ERCC6L2: variants seen among roughly 807,000 people sequenced by gnomAD.
ERCC6L2 encodes DNA excision repair protein ERCC-6-like 2.
ERCC6L2 carries 77 observed loss-of-function variants against 132.0 expected under a neutral mutation model. The observed-to-expected ratio is 0.58, with a 90% CI of 0.49 to 0.71. The LOEUF (loss-of-function observed/expected upper bound fraction) is 0.71. Among genes scored for constraint, ERCC6L2 ranks in the 30% least tolerant of loss-of-function variants. ERCC6L2 has a pLI of 0.00. For synonymous variants in ERCC6L2, 583 were observed against 632.4 expected (o/e 0.92, Z 1.17); for missense variants, 1,542 against 1,837.6 (o/e 0.84, Z 2.94).
intron 2 of ERCC6L2, among the ~76,000 whole-genome samples, chr9:95,893,048 C>G (rs1828253253): frequency 6.6e-6 from 1 of 151,962 alleles, no homozygotes; most frequent in South Asian, 2.1e-4. Flanking sequence ...GACTTTTTAT[C>G]TATACTTCTT....
chr9:95,893,073 A>G (rs1199192545), intron 2 of ERCC6L2, among the ~76,000 whole-genome samples: 1 of 151,846 alleles, frequency 6.6e-6, no homozygotes, highest in African/African-American at 2.4e-5. Context: ...TTTTATTTTT[A>G]GTGGTTGCTC....
intron 19 of ERCC6L2, among the ~76,000 whole-genome samples, chr9:96,037,068 A>AT (rs1436126214): frequency 6.6e-6 from 1 of 151,532 alleles, no homozygotes; most frequent in Non-Finnish European, 1.5e-5. Flanking sequence ...GCCCGGCCCC[A>AT]TTTTTTTTAA....
At chr9:96,036,867 C>T (rs984905784) in intron 19 of ERCC6L2, among the ~76,000 whole-genome samples, 2 of 148,270 alleles carry the variant, frequency 1.3e-5, no homozygotes, top group African/African-American at 2.5e-5. Flanking sequence ...CCCGGGTTCA[C>T]GCCATTCTCC....
chr9:95,884,304 G>C (rs770956955), intron 2 of ERCC6L2, among the ~76,000 whole-genome samples: 5 of 152,088 alleles, frequency 3.3e-5, no homozygotes, highest in Non-Finnish European at 7.4e-5. Context: ...TAGGTGGTTT[G>C]AAAGACCCAT....
In ERCC6L2 at chr9:95,913,013, A is replaced by T. The variant is rs80232558; in HGVS notation, c.789-2655A>T. On this transcript the variant is annotated intron_variant, in intron 4 of 18. Transcript: ENST00000653738. The stretch of plus-strand genomic sequence containing the variant: ...GGTTGTTTCACTGTCAGTGATGCCA[A>T]GTTTGTCCCACAGGTTAAGAAGGTT... Among the ~76,000 whole-genome samples, 21 of 152,270 alleles carry T rather than the reference A, an allele frequency of 1.4e-4. No homozygotes were observed. The East Asian group carries it at 3.9e-3, about 28-fold the overall frequency.
At chr9:95,886,718 T>C (rs1827888776) in intron 2 of ERCC6L2, among the ~76,000 whole-genome samples, 1 of 152,194 alleles carries the variant, frequency 6.6e-6, no homozygotes, top group African/African-American at 2.4e-5. Flanking sequence ...GAGTGTCAAC[T>C]TGATTGGATT....
rs1322633618 is a variant in ERCC6L2 at position 96,014,693 on chromosome 9, T to G, written c.*1490T>G. On this transcript the variant is annotated 3_prime_UTR_variant, in exon 19 of 19. Coordinates refer to ENST00000653738, the MANE Select transcript of ERCC6L2 (RefSeq NM_020207.7). ...TGAATTTCATGGCCCATGGTTAAGA[T>G]CCACAGTGTGAAAACGCTGTTTTAA... 1 of 152,172 alleles carries G rather than the reference T, an allele frequency of 6.6e-6. No individual in the cohort carries two copies. Among genetic ancestry groups the G allele is most frequent in the Non-Finnish European group, 1.5e-5 (1 of 68,022 alleles). 9.4% of individuals were successfully genotyped at this position (152,172 alleles called of 1,614,324 possible).
At chr9:95,994,389 C>G (rs1298417008) in intron 17 of ERCC6L2, among the ~76,000 whole-genome samples, 1 of 152,144 alleles carries the variant, frequency 6.6e-6, no homozygotes, top group African/African-American at 2.4e-5. Flanking sequence ...CTCCTTGTTT[C>G]CAGTTTTCTC....
intron 6 of ERCC6L2, among the ~76,000 whole-genome samples, chr9:95,920,923 C>T (rs766129892): frequency 2.4e-4 from 37 of 152,112 alleles, no homozygotes; most frequent in Admixed American, 7.9e-4. Context: ...ACTACAGGCG[C>T]GTGGCACCAC....
chr9:95,957,724 C>A (rs1831679256), intron 13 of ERCC6L2, among the ~76,000 whole-genome samples: 1 of 151,754 alleles, frequency 6.6e-6, no homozygotes, highest in African/African-American at 2.4e-5. Context: ...CTTTATATGA[C>A]ACAAATAAAG....
intron 13 of ERCC6L2, among the ~76,000 whole-genome samples, chr9:95,964,073 G>A (rs529636156): frequency 6.6e-6 from 1 of 152,220 alleles, no homozygotes; most frequent in Non-Finnish European, 1.5e-5. Flanking sequence ...AACCCTTAGT[G>A]TTCATTCGTG....
chr9:95,888,426 T>G (rs1827990448), intron 2 of ERCC6L2, among the ~76,000 whole-genome samples: 1 of 152,214 alleles, frequency 6.6e-6, no homozygotes. Flanking sequence ...CTTTCACTAT[T>G]CTAGAGGTGA....
intron 8 of ERCC6L2, among the ~76,000 whole-genome samples, chr9:95,922,650 T>C (rs1829927188): frequency 6.6e-6 from 1 of 152,212 alleles, no homozygotes; most frequent in Non-Finnish European, 1.5e-5. Flanking sequence ...ATAATGTTCA[T>C]ATCTTTATTT....
At position 95,891,041 on chromosome 9, in the gene ERCC6L2, T is replaced by A. The variant is rs370567100; in HGVS notation, c.472-6808T>A. Among the ~76,000 whole-genome samples, 6 of 152,150 alleles carry A rather than the reference T, an allele frequency of 3.9e-5. No homozygotes were observed. In the East Asian group the frequency reaches 5.8e-4, roughly 15 times the overall value. On this transcript the variant is annotated intron_variant, in intron 2 of 18. Transcript: ENST00000653738. ...CAGACTGACCAACATGGAGAAACTC[T>A]GTCTCTACTAAAAATACAAAATTAG...
chr9:96,004,254 G>A (rs567186914), intron 17 of ERCC6L2, among the ~76,000 whole-genome samples: 6 of 152,196 alleles, frequency 3.9e-5, no homozygotes, highest in East Asian at 3.9e-4. Flanking sequence ...AGGTATCAAC[G>A]TATGTATCAG....
At chr9:96,031,760 G>T (rs903208799) in intron 19 of ERCC6L2, among the ~76,000 whole-genome samples, 1 of 152,126 alleles carries the variant, frequency 6.6e-6, no homozygotes, top group Non-Finnish European at 1.5e-5. Context: ...GGGACCCACT[G>T]CCTAGTTCAG....
Position 96,016,108 on chromosome 9 carries a change from A to G in ERCC6L2, c.*2905A>G, listed in dbSNP as rs141941037. ...CCCACTCCACTGGTGATGTGTCACC[A>G]AGTTCTGCTAACTAAATGGGTGGCC... On this transcript the variant is annotated 3_prime_UTR_variant, in exon 19 of 19. Transcript: ENST00000653738. Among the ~76,000 whole-genome samples the G allele has an allele frequency of 6.6e-6, 1 of 152,166 alleles. No homozygotes were observed. The highest frequency in any genetic ancestry group is 1.5e-5 in the Non-Finnish European group (1 of 68,024).
chr9:95,977,826 G>A (rs1258021490), intron 16 of ERCC6L2, among the ~76,000 whole-genome samples: 5 of 151,614 alleles, frequency 3.3e-5, no homozygotes, highest in Non-Finnish European at 7.4e-5. Flanking sequence ...TCCATTTCAG[G>A]TTTAAAGATT....
chr9:95,905,090 A>ACC (rs1828967360), intron 3 of ERCC6L2: 1 of 152,162 alleles, frequency 6.6e-6, no homozygotes, highest in African/African-American at 2.4e-5. Flanking sequence ...TACTTGGATT[A>ACC]GAGGAATAGC....
Sources: allele counts gnomAD v4.1 joint callset (sites outside exome capture counted in the v4.1 genomes callset), GRCh38; gene constraint gnomAD v4.1.1; transcripts MANE v1.5; gene names NCBI Gene and HGNC (gene_info 2026-07-23, HGNC 2026-07-21).